PPM1D: variants seen among roughly 807,000 people sequenced by gnomAD.
PPM1D encodes the protein protein phosphatase, Mg2+/Mn2+ dependent 1D.
Under a neutral mutation model 58.3 loss-of-function variants are expected in PPM1D, and 52 were observed. The ratio of observed to expected loss-of-function variants is 0.89; its 90% CI spans 0.71 to 1.12. The LOEUF (loss-of-function observed/expected upper bound fraction) is 1.12. Ranked by LOEUF, PPM1D falls within the 50% of genes most tolerant of loss-of-function variation. The pLI is 0.00. For missense variants in PPM1D, 564 were observed against 777.2 expected (o/e 0.73, Z 3.26); for synonymous variants, 278 against 285.1 (o/e 0.98, Z 0.25).
chr17:60,660,980 G>A (rs2031515645), intron 5 of PPM1D, among the ~76,000 whole-genome samples: 1 of 152,108 alleles, frequency 6.6e-6, no homozygotes, highest in African/African-American at 2.4e-5. Flanking sequence ...TTGAGAGGCC[G>A]AGGCGGACAG....
At chr17:60,626,380 GTTT>G (rs1363546406) in intron 2 of PPM1D, among the ~76,000 whole-genome samples, 10 of 149,570 alleles carry the variant, frequency 6.7e-5, no homozygotes, top group African/African-American at 2.4e-4. Context: ...TCAATGATGT[GTTT>G]TTTTGGGGTT....
Position 60,600,591 on chromosome 17 carries a change from C to T in PPM1D, c.177C>T (p.Pro59=), listed in dbSNP as rs968626349. ...CGCGGCCGTCGCCGGCCGCCCTTCCCGGCGGCGAAGTCTCGGGGAAAGGCC... is the reference window on the plus strand; with the variant it reads ...CGCGGCCGTCGCCGGCCGCCCTTCCTGGCGGCGAAGTCTCGGGGAAAGGCC... The part of the protein sequence containing the change: ...LPPRPSPAAL[P]GGEVSGKGPA... The change falls in exon 1 of 6, where the codon CCC becomes CCT. Residue 59 remains proline, a synonymous_variant. Coordinates refer to ENST00000305921, the MANE Select transcript of PPM1D (RefSeq NM_003620.4). The T allele has an allele frequency of 3.2e-6, 5 of 1,556,758 alleles. No individual in the cohort carries two copies. The highest frequency in any genetic ancestry group is 2.7e-5 in the African/African-American group (2 of 73,272).
intron 3 of PPM1D, among the ~76,000 whole-genome samples, chr17:60,634,615 T>C (rs1466324963): frequency 6.6e-6 from 1 of 152,148 alleles, no homozygotes; most frequent in Non-Finnish European, 1.5e-5. Flanking sequence ...ACCTCTTTTT[T>C]CTTTAGTTAG....
chr17:60,651,673 G>A (rs1034029109), intron 4 of PPM1D, among the ~76,000 whole-genome samples: 1 of 152,070 alleles, frequency 6.6e-6, no homozygotes, highest in African/African-American at 2.4e-5. Context: ...TGGGATTACA[G>A]GTGTGAACCA....
chr17:60,630,452 A>G (rs575751324), intron 2 of PPM1D, among the ~76,000 whole-genome samples: 6 of 152,276 alleles, frequency 3.9e-5, no homozygotes, highest in South Asian at 4.1e-4. Context: ...AAATTGAGCT[A>G]TTTTATTATA....
intron 1 of PPM1D, among the ~76,000 whole-genome samples, chr17:60,614,788 A>G (rs1376425316): frequency 6.6e-6 from 1 of 152,172 alleles, no homozygotes; most frequent in African/African-American, 2.4e-5. Flanking sequence ...ACTCACCGGG[A>G]AAGTCTGCAG....
Position 60,663,611 on chromosome 17 carries a change from T to C in PPM1D, c.*59T>C. The C allele has an allele frequency of 6.6e-7, 1 of 1,522,768 alleles. No individual in the cohort carries two copies. 94.3% of individuals were successfully genotyped at this position (1,522,768 alleles called of 1,614,324 possible). A position where few individuals can be genotyped will look rare whatever the true frequency, so the allele number is the denominator to read the frequency against. On this transcript the variant is annotated 3_prime_UTR_variant, in exon 6 of 6. Coordinates refer to ENST00000305921, the MANE Select transcript of PPM1D (RefSeq NM_003620.4). ...AGGATATAAGAGGGCTTTTTAAATTTGGTGCCGATGTTGAACTTTTTTTAA... is the reference window on the plus strand; with the variant it reads ...AGGATATAAGAGGGCTTTTTAAATTCGGTGCCGATGTTGAACTTTTTTTAA...
chr17:60,636,967 A>T (rs901541656), intron 3 of PPM1D, among the ~76,000 whole-genome samples: 3 of 135,300 alleles, frequency 2.2e-5, no homozygotes, highest in East Asian at 2.2e-4. Flanking sequence ...CCTACTCATG[A>T]TTTTTTTTTT....
chr17:60,608,061 G>A (rs1024380248), intron 1 of PPM1D, among the ~76,000 whole-genome samples: 6 of 152,050 alleles, frequency 3.9e-5, no homozygotes, highest in Admixed American at 3.9e-4. Flanking sequence ...TTGGTTGTTC[G>A]CATTTTTTCA....
At chr17:60,653,090 G>T (rs978122565) in intron 4 of PPM1D, among the ~76,000 whole-genome samples, 2 of 152,086 alleles carry the variant, frequency 1.3e-5, no homozygotes, top group East Asian at 3.9e-4. Flanking sequence ...GTCCTGGAGC[G>T]TTTCTCCAAT....
intron 1 of PPM1D, 62 bp from the exon 2 acceptor site, chr17:60,623,459 T>C: frequency 6.8e-7 from 1 of 1,467,246 alleles, no homozygotes; most frequent in South Asian, 1.4e-5. Context: ...TTGCCATTTG[T>C]ATCCTGACAG....
chr17:60,646,188 T>G (rs948067462), intron 3 of PPM1D, among the ~76,000 whole-genome samples: 1 of 152,228 alleles, frequency 6.6e-6, no homozygotes, highest in Admixed American at 6.5e-5. Context: ...TGTGAGCTTA[T>G]CTGGATTATA....
intron 1 of PPM1D, among the ~76,000 whole-genome samples, chr17:60,607,947 C>T (rs539363815): frequency 1.3e-5 from 2 of 152,172 alleles, no homozygotes; most frequent in Admixed American, 1.3e-4. Flanking sequence ...CTAGATTTGG[C>T]ATTACTTTAA....
chr17:60,607,443 C>G (rs1432505941), intron 1 of PPM1D, among the ~76,000 whole-genome samples: 1 of 152,108 alleles, frequency 6.6e-6, no homozygotes, highest in Non-Finnish European at 1.5e-5. Flanking sequence ...CCACCACACT[C>G]AGCTAATTTT....
At position 60,648,155 on chromosome 17, in the gene PPM1D, T is replaced by C. The variant is rs1187814875; in HGVS notation, c.1017+73T>C. 3 of 1,479,848 alleles carry C rather than the reference T, an allele frequency of 2.0e-6. No individual in the cohort carries two copies. The African/African-American group carries it at 4.2e-5, about 21-fold the overall frequency. The allele number at this position is 1,479,848 out of a possible 1,614,324, so 91.7% of individuals were successfully genotyped here. ...GGTACTTCTGTCAGAATCTTGAATATGAACTAAGGACATTGACCTTGGGTA... is the reference window on the plus strand; with the variant it reads ...GGTACTTCTGTCAGAATCTTGAATACGAACTAAGGACATTGACCTTGGGTA... On this transcript the variant is annotated intron_variant, in intron 4 of 5. Transcript: ENST00000305921.
At chr17:60,638,525 C>T (rs1373285581) in intron 3 of PPM1D, among the ~76,000 whole-genome samples, 3 of 152,046 alleles carry the variant, frequency 2.0e-5, no homozygotes, top group Non-Finnish European at 4.4e-5. Flanking sequence ...CGTGCCACCA[C>T]ACCTGGCTGA....
intron 3 of PPM1D, among the ~76,000 whole-genome samples, chr17:60,645,634 ATGTG>A (rs746534479): frequency 2.2e-5 from 3 of 135,676 alleles, no homozygotes; most frequent in East Asian, 2.1e-4. Context: ...GTATATGTAT[ATGTG>A]TGTGTGTGTA....
At chr17:60,636,241 GC>G (rs1456219864) in intron 3 of PPM1D, among the ~76,000 whole-genome samples, 1 of 152,188 alleles carries the variant, frequency 6.6e-6, no homozygotes, top group East Asian at 1.9e-4. Context: ...ACTAAATCAA[GC>G]CCACCCTCAA....
In PPM1D at chr17:60,630,859, T is replaced by C. The variant is rs956254863; in HGVS notation, c.702-2994T>C. On this transcript the variant is annotated intron_variant, in intron 2 of 5. Coordinates refer to ENST00000305921, the MANE Select transcript of PPM1D (RefSeq NM_003620.4). ...AGCAAAGAATAATAGAGCTTTAAGA[T>C]GGTATTAAGGCAGAATGTTGGCATC... Among the ~76,000 whole-genome samples the C allele has an allele frequency of 2.6e-5, 4 of 152,186 alleles. No individual in the cohort carries two copies. In the East Asian group the frequency reaches 7.7e-4, roughly 29 times the overall value.
Sources: gnomAD v4.1 joint callset for allele counts (sites outside exome capture counted in the v4.1 genomes callset) on GRCh38, gnomAD v4.1.1 for gene constraint, MANE v1.5 for transcripts, NCBI Gene and HGNC (gene_info 2026-07-23, HGNC 2026-07-21) for gene names.